PDE4B: variants seen among roughly 807,000 people sequenced by gnomAD.
PDE4B encodes 3',5'-cyclic-AMP phosphodiesterase 4B.
A neutral mutation model predicts 82.2 loss-of-function variants in PDE4B; 20 were observed. The ratio of observed to expected loss-of-function variants is 0.24; its 90% CI spans 0.17 to 0.35. The LOEUF is 0.35. Ranked by LOEUF, PDE4B falls within the 10% of genes least tolerant of loss-of-function variation. The pLI is 1.00. For synonymous variants in PDE4B, 320 were observed against 318.9 expected (o/e 1.00, Z -0.04); for missense variants, 655 against 907.2 (o/e 0.72, Z 3.57).
At chr1:66,044,601 C>T (rs556820862) in intron 3 of PDE4B, among the ~76,000 whole-genome samples, 9 of 151,578 alleles carry the variant, frequency 5.9e-5, no homozygotes, top group East Asian at 1.9e-4. Context: ...GGACTCACGA[C>T]GAGCACAGAA....
rs78366001 is a variant in PDE4B, at chr1:66,127,387, A to G, written c.282-120073A>G. ...TACACGTTAGGGATACTTCTAACTG[A>G]TTTGAACTTTTAATAAAGGGTATAT... On this transcript the variant is annotated intron_variant, in intron 3 of 16. Transcript: ENST00000341517. Among the ~76,000 whole-genome samples, 703 of 152,348 alleles carry G rather than the reference A, an allele frequency of 4.6e-3. 3 individuals carry two copies. The highest frequency in any genetic ancestry group is 0.016 in the African/African-American group (677 of 41,578).
chr1:65,896,562 T>C (rs1646912783), intron 1 of PDE4B, among the ~76,000 whole-genome samples: 1 of 152,196 alleles, frequency 6.6e-6, no homozygotes, highest in Non-Finnish European at 1.5e-5. Flanking sequence ...CCAGGCAATG[T>C]TATTTAGCTT....
intron 3 of PDE4B, among the ~76,000 whole-genome samples, chr1:66,161,963 T>C (rs1268799107): frequency 6.6e-6 from 1 of 152,186 alleles, no homozygotes; most frequent in African/African-American, 2.4e-5. Context: ...AAGGCAATAA[T>C]AGCCAAATTA....
At chr1:65,822,136 A>G (rs937238429) in intron 1 of PDE4B, among the ~76,000 whole-genome samples, 1 of 152,090 alleles carries the variant, frequency 6.6e-6, no homozygotes, top group African/African-American at 2.4e-5. Context: ...TTTTATGTAA[A>G]TGCCATACTG....
chr1:65,875,083 T>C (rs1053477371), intron 1 of PDE4B, among the ~76,000 whole-genome samples: 1 of 151,330 alleles, frequency 6.6e-6, no homozygotes, highest in African/African-American at 2.4e-5. Flanking sequence ...GAATCTACAA[T>C]GAACTCAAAC....
In PDE4B at chr1:66,245,753, T is replaced by C. The variant is rs570026271; in HGVS notation, c.282-1707T>C. ...AAAGACCAAACATATTGGATTGTTA[T>C]AGCTTTTCTTTGGCCTTTTACCCAG... On this transcript the variant is annotated intron_variant, in intron 3 of 16. Transcript: ENST00000341517. Among the ~76,000 whole-genome samples the C allele has an allele frequency of 9.2e-5, 14 of 152,366 alleles. No homozygotes were observed. The East Asian group carries it at 2.5e-3, about 27-fold the overall frequency.
chr1:65,872,190 T>C (rs1185922958), intron 1 of PDE4B, among the ~76,000 whole-genome samples: 1 of 152,202 alleles, frequency 6.6e-6, no homozygotes, highest in Non-Finnish European at 1.5e-5. Flanking sequence ...TGTGAAGTTT[T>C]AAAAATTTTC....
chr1:66,276,080 C>A (rs1242875315), intron 7 of PDE4B, among the ~76,000 whole-genome samples: 2 of 152,206 alleles, frequency 1.3e-5, no homozygotes, highest in East Asian at 3.8e-4. Flanking sequence ...AGGGTCTAGT[C>A]TGGCTAGCAC....
At position 66,365,254 on chromosome 1, in the gene PDE4B, T is replaced by C. The variant is rs977102534; in HGVS notation, c.1285-413T>C. On this transcript the variant is annotated intron_variant, in intron 12 of 16. Transcript: ENST00000341517. The stretch of plus-strand genomic sequence containing the variant: ...AATCGGGAGTTTGGCCATTTTTCTC[T>C]AAGTTATTCAGCTAAGAGTATATGA... Among the ~76,000 whole-genome samples, 16 of 152,332 alleles carry C rather than the reference T, an allele frequency of 1.1e-4. No homozygotes were observed. In the South Asian group the frequency reaches 1.9e-3, roughly 18 times the overall value.
At chr1:66,065,872 A>G (rs1331273954) in intron 3 of PDE4B, among the ~76,000 whole-genome samples, 2 of 151,850 alleles carry the variant, frequency 1.3e-5, no homozygotes, top group African/African-American at 2.4e-5. Context: ...CCGAGTTCAT[A>G]ATTAACTCCA....
chr1:66,315,918 G>A (rs1346562552), intron 7 of PDE4B, among the ~76,000 whole-genome samples: 1 of 152,164 alleles, frequency 6.6e-6, no homozygotes, highest in East Asian at 1.9e-4. Context: ...GCTTGGTTCT[G>A]AGCCTTGGCC....
intron 3 of PDE4B, among the ~76,000 whole-genome samples, chr1:66,200,593 A>G (rs1013217779): frequency 1.3e-5 from 2 of 151,958 alleles, no homozygotes; most frequent in African/African-American, 4.8e-5. Flanking sequence ...TAGGTATTTT[A>G]TTCTCTTTGA....
At chr1:66,048,759 T>A (rs1654856538) in intron 3 of PDE4B, 1 of 151,936 alleles carries the variant, frequency 6.6e-6, no homozygotes, top group Non-Finnish European at 1.5e-5. Flanking sequence ...ACTGATAATA[T>A]CTTTGAAAAT....
chr1:66,190,936 G>A (rs1206373962), intron 3 of PDE4B, among the ~76,000 whole-genome samples: 5 of 152,096 alleles, frequency 3.3e-5, no homozygotes, highest in Admixed American at 1.3e-4. Flanking sequence ...CACTCACGCT[G>A]GGAGCTGTAG....
intron 3 of PDE4B, among the ~76,000 whole-genome samples, chr1:66,086,129 T>G (rs1367157608): frequency 5.6e-5 from 8 of 141,924 alleles, no homozygotes; most frequent in Non-Finnish European, 1.3e-4. Flanking sequence ...GTCTCTCCAC[T>G]CCGATGGGAA....
At chr1:66,120,806 T>C (rs1645693272) in intron 3 of PDE4B, among the ~76,000 whole-genome samples, 1 of 152,202 alleles carries the variant, frequency 6.6e-6, no homozygotes, top group Non-Finnish European at 1.5e-5. Flanking sequence ...GCTATCTCCA[T>C]GGGTCCCACA....
At chr1:66,187,002 T>C (rs58403254) in intron 3 of PDE4B, among the ~76,000 whole-genome samples, 14,702 of 152,108 alleles carry the variant, frequency 0.097, 1,625 homozygotes, top group East Asian at 0.52. Context: ...TTTTGAGATA[T>C]GTCCCATCAA....
At chr1:65,969,088 T>C (rs1238704765) in intron 3 of PDE4B, among the ~76,000 whole-genome samples, 3 of 152,190 alleles carry the variant, frequency 2.0e-5, no homozygotes, top group African/African-American at 7.2e-5. Flanking sequence ...TAAGTCAGGA[T>C]AAGCTGGCTA....
chr1:65,914,876 T>G (rs1647141827), intron 2 of PDE4B, among the ~76,000 whole-genome samples: 1 of 152,192 alleles, frequency 6.6e-6, no homozygotes, highest in Non-Finnish European at 1.5e-5. Context: ...CTAGATTTAC[T>G]CTGTCCACTG....
Sources: allele counts gnomAD v4.1 joint callset (sites outside exome capture counted in the v4.1 genomes callset), GRCh38; gene constraint gnomAD v4.1.1; transcripts MANE v1.5; gene names NCBI Gene and HGNC (gene_info 2026-07-23, HGNC 2026-07-21).